Variants in DDX60L observed in about 807,000 individuals in gnomAD.
The protein encoded by DDX60L is DExD/H-box 60 like.
DDX60L carries 191 observed loss-of-function variants against 211.6 expected under a neutral mutation model. The ratio of observed to expected loss-of-function variants is 0.90; its 90% confidence interval spans 0.80 to 1.02. The LOEUF is 1.02. Among genes scored for constraint, DDX60L ranks in the 50% least tolerant of loss-of-function variants. The pLI, the probability that DDX60L is intolerant of heterozygous loss-of-function variation, is 0.00. For synonymous variants in DDX60L, 706 were observed against 694.1 expected (o/e 1.02, Z -0.27); for missense variants, 2,007 against 1,984.1 (o/e 1.01, Z -0.22).
chr4:168,423,667 C>T lies in DDX60L; in HGVS notation c.2038G>A (p.Ala680Thr). The T allele has an allele frequency of 6.2e-7, 1 of 1,602,820 alleles. No individual in the cohort carries two copies. The highest frequency in any genetic ancestry group is 8.5e-7 in the Non-Finnish European group (1 of 1,174,496). The change falls in exon 15 of 38, where the codon GCT becomes ACT. Residue 680 changes from alanine to threonine, a missense_variant. Ala to Thr is a moderately conservative substitution (Grantham distance 58). Coordinates refer to ENST00000682922, the MANE Select transcript of DDX60L (RefSeq NM_001012967.3). The stretch of plus-strand genomic sequence containing the variant: ...AAGCCTAAATATTTAAGGCATTTAG[C>T]TATATATTGATGATGTTCTGCTTCC... ...ILEAEHHQYI[A>T]KCLKYLGFND...
chr4:168,394,038 A>G (rs1452194920), intron 28 of DDX60L, among the ~76,000 whole-genome samples: 1 of 151,902 alleles, frequency 6.6e-6, no homozygotes. Context: ...AATAAAATAC[A>G]AAAAAAATTA....
At chr4:168,449,261 T>A (rs890163254) in intron 8 of DDX60L, among the ~76,000 whole-genome samples, 2 of 151,916 alleles carry the variant, frequency 1.3e-5, no homozygotes, top group Non-Finnish European at 1.5e-5. Flanking sequence ...GAGGCACATA[T>A]ACACCATGGA....
At chr4:168,479,844 C>CGTG (rs1245204828) in intron 1 of DDX60L, among the ~76,000 whole-genome samples, 1 of 151,514 alleles carries the variant, frequency 6.6e-6, no homozygotes, top group Non-Finnish European at 1.5e-5. Flanking sequence ...ATTAGCCGGG[C>CGTG]GTGGTGGCGG....
chr4:168,398,284 G>A (rs1393894792), intron 26 of DDX60L, among the ~76,000 whole-genome samples: 2 of 152,206 alleles, frequency 1.3e-5, no homozygotes, highest in Non-Finnish European at 2.9e-5. Flanking sequence ...GAGAAAAGTT[G>A]AGGCCAAGCC....
At position 168,384,669 on chromosome 4, in the gene DDX60L, G is replaced by C. The variant is rs756983300; in HGVS notation, c.4059C>G (p.Val1353=). The part of the protein sequence containing the change: ...RGQFPLSITL[V]LRLMLLASKG... ...TGGAAGCCAGCAGCATGAGTCGCAGGACCAGGGTTATGCTGAGAGGGAACT... is the reference window on the plus strand; with the variant it reads ...TGGAAGCCAGCAGCATGAGTCGCAGCACCAGGGTTATGCTGAGAGGGAACT... The change falls in exon 30 of 38, where the codon GTC becomes GTG. Residue 1353 remains valine, a synonymous_variant. Coordinates refer to ENST00000682922, the MANE Select transcript of DDX60L (RefSeq NM_001012967.3). The C allele has an allele frequency of 1.9e-6, 3 of 1,614,002 alleles. No homozygotes were observed. In the South Asian group the frequency reaches 3.3e-5, roughly 18 times the overall value.
Position 168,400,971 on chromosome 4 carries a change from TC to T in DDX60L, c.3345del (p.Asn1116MetfsTer35), listed in dbSNP as rs1427069217. On this transcript the variant is annotated frameshift_variant, in exon 26 of 38. Coordinates refer to ENST00000682922, the MANE Select transcript of DDX60L (RefSeq NM_001012967.3). LOFTEE classifies it high-confidence loss of function. ...CCAGCTCTTTTTCCCACATCATCAT[TC>T]TTAAACCTTAAAACAAATGAAAACA... Reference protein sequence around the residue: ...DKLPAIFFLFKNDDVGKRAGS... With the variant: ...DKLPAIFFLFXNDDVGKRAGS... 6.2e-7 allele frequency: 1 copy of T among 1,611,890 alleles called. No individual in the cohort carries two copies. Among genetic ancestry groups the T allele is most frequent in the Admixed American group, 1.7e-5 (1 of 59,546 alleles).
At chr4:168,445,534 C>A (rs1293564654) in intron 9 of DDX60L, among the ~76,000 whole-genome samples, 8 of 152,092 alleles carry the variant, frequency 5.3e-5, no homozygotes, top group Non-Finnish European at 1.0e-4. Flanking sequence ...TTTTATGAGG[C>A]CAGCATCATT....
At position 168,406,087 on chromosome 4, in the gene DDX60L, G is replaced by A. The variant is rs1247322698; in HGVS notation, c.3085-9C>T. On this transcript the variant is annotated splice_polypyrimidine_tract_variant and intron_variant, in intron 23 of 37. Coordinates refer to ENST00000682922, the MANE Select transcript of DDX60L (RefSeq NM_001012967.3). ...TCCTCTGGACACAATTCCTTGGGGGGAAAATTATCACAAAATTAAGCTAAG... is the reference window on the plus strand; with the variant it reads ...TCCTCTGGACACAATTCCTTGGGGGAAAAATTATCACAAAATTAAGCTAAG... 3.8e-6 allele frequency: 6 copies of A among 1,582,770 alleles called. No individual in the cohort carries two copies. The highest frequency in any genetic ancestry group is 5.1e-6 in the Non-Finnish European group (6 of 1,169,598).
chr4:168,452,599 TG>T (rs1397436563), intron 8 of DDX60L, among the ~76,000 whole-genome samples: 1 of 152,006 alleles, frequency 6.6e-6, no homozygotes, highest in African/African-American at 2.4e-5. Context: ...TAACCAAAAG[TG>T]AAAATGCTTT....
At chr4:168,414,874 T>C (rs1579481458) in intron 22 of DDX60L, among the ~76,000 whole-genome samples, 1 of 150,874 alleles carries the variant, frequency 6.6e-6, no homozygotes, top group Admixed American at 6.7e-5. Flanking sequence ...AGACAGTGGG[T>C]TGGGTGGAAG....
At chr4:168,360,101 A>T (rs1415995940) in intron 37 of DDX60L, among the ~76,000 whole-genome samples, 2 of 152,172 alleles carry the variant, frequency 1.3e-5, no homozygotes, top group Non-Finnish European at 2.9e-5. Flanking sequence ...TCATAAAGTT[A>T]TTTATGTTAT....
intron 34 of DDX60L, among the ~76,000 whole-genome samples, chr4:168,374,189 A>G (rs1483939718): frequency 2.6e-5 from 4 of 151,554 alleles, no homozygotes; most frequent in Admixed American, 1.3e-4. Flanking sequence ...CAAGTCATGC[A>G]CTCAGGTCTG....
At chr4:168,384,270 C>A (rs1743466672) in intron 30 of DDX60L, among the ~76,000 whole-genome samples, 1 of 152,036 alleles carries the variant, frequency 6.6e-6, no homozygotes, top group Non-Finnish European at 1.5e-5. Flanking sequence ...ATTGCTTGAG[C>A]CCAGGAGTTT....
chr4:168,379,567 G>C, intron 31 of DDX60L, 63 bp from the exon 32 acceptor site: 1 of 1,317,956 alleles, frequency 7.6e-7, no homozygotes, highest in Non-Finnish European at 1.0e-6. Flanking sequence ...TAAAATACCA[G>C]TGTGAGTGAC....
intron 14 of DDX60L, 60 bp downstream of exon 14, chr4:168,427,010 T>C (rs1561050073): frequency 3.4e-6 from 5 of 1,492,186 alleles, no homozygotes; most frequent in Admixed American, 2.2e-5. Flanking sequence ...TCAGTAAATA[T>C]GTTAACATCA....
intron 9 of DDX60L, among the ~76,000 whole-genome samples, chr4:168,446,233 A>G (rs969996765): frequency 2.6e-5 from 4 of 152,142 alleles, no homozygotes; most frequent in African/African-American, 9.7e-5. Flanking sequence ...TTAAACACCA[A>G]CAACAGACAA....
Position 168,415,642 on chromosome 4 carries a change from A to G in DDX60L, c.2869+15T>C. On this transcript the variant is annotated intron_variant, in intron 21 of 37. Coordinates refer to ENST00000682922, the MANE Select transcript of DDX60L (RefSeq NM_001012967.3). ...TATAAAAATATATAGTAAAACATAA[A>G]AAAAATAAGCTTACCAAGTCTAACT... The G allele has an allele frequency of 6.5e-7, 1 of 1,527,552 alleles. No individual in the cohort carries two copies. The highest frequency in any genetic ancestry group is 1.4e-5 in the African/African-American group (1 of 71,154). The allele number at this position is 1,527,552 out of a possible 1,614,324, so 94.6% of individuals were successfully genotyped here.
rs564570332 is a variant in DDX60L, at chr4:168,453,231, G to T, written c.889C>A (p.Arg297Ser). The stretch of plus-strand genomic sequence containing the variant: ...AGTTGAAAAGCCACACAGAGGCAAC[G>T]CAGTCTGCAGAAATCTTCCACCTCC... ...LQEVEDFCRL[R>S]CLCVAFQLHL... The change falls in exon 8 of 38, where the codon CGT (arginine) becomes AGT (serine). Residue 297 changes from arginine (R) to serine (S), a missense_variant. Coordinates refer to ENST00000682922, the MANE Select transcript of DDX60L (RefSeq NM_001012967.3). 5.6e-6 allele frequency: 9 copies of T among 1,612,818 alleles called. No homozygotes were observed. In the Admixed American group the frequency reaches 6.7e-5, roughly 12 times the overall value.
rs1230199499 is a variant in DDX60L, at chr4:168,415,699, G to A, written c.2827C>T (p.Gln943Ter). ...KQADKCLNFL[Q>*]DHSYKNQSYE... The stretch of plus-strand genomic sequence containing the variant: ...GATTGATTTTTATATGAATGGTCTT[G>A]GAGAAAGTTGAGACATTTGTCAGCC... Residue 943 changes from glutamine (Q) to a stop codon, truncating the protein, a stop_gained, in exon 21 of 38, where the codon CAA becomes TAA. Transcript: ENST00000682922. LOFTEE classifies it high-confidence loss of function. 1 of 1,603,712 alleles carries A rather than the reference G, an allele frequency of 6.2e-7. No individual in the cohort carries two copies. The highest frequency in any genetic ancestry group is 1.1e-5 in the South Asian group (1 of 89,310).
Sources: gnomAD v4.1 joint callset for allele counts (sites outside exome capture counted in the v4.1 genomes callset) on GRCh38, gnomAD v4.1.1 for gene constraint, MANE v1.5 for transcripts, NCBI Gene and HGNC (gene_info 2026-07-23, HGNC 2026-07-21) for gene names.